The following SLIT2 variants were observed in gnomAD, a reference collection of about 807,000 sequenced individuals.
SLIT2 encodes the protein slit homolog 2 protein.
SLIT2 carries 41 observed loss-of-function variants against 185.7 expected under a neutral mutation model. The ratio of observed to expected loss-of-function variants is 0.22; its 90% CI spans 0.17 to 0.29. SLIT2 has a LOEUF of 0.29. SLIT2 is among the 10% of genes least tolerant of loss of function. The pLI is 1.00. For synonymous variants in SLIT2, 693 were observed against 680.2 expected, an observed-to-expected ratio of 1.02 and a Z score of -0.29; for missense variants, 1,571 against 1,909.0, an observed-to-expected ratio of 0.82 and a Z score of 3.30.
At chr4:20,342,251 A>G (rs1577465822) in intron 4 of SLIT2, among the ~76,000 whole-genome samples, 2 of 152,186 alleles carry the variant, frequency 1.3e-5, no homozygotes, top group Admixed American at 6.5e-5. Context: ...AGTATGGTTG[A>G]TGATGCAGAT....
At chr4:20,389,939 A>T (rs1725283994) in intron 4 of SLIT2, among the ~76,000 whole-genome samples, 1 of 151,900 alleles carries the variant, frequency 6.6e-6, no homozygotes, top group South Asian at 2.1e-4. Context: ...TCCGATAAAT[A>T]CTCTCCTTGC....
At chr4:20,373,909 G>A (rs982715722) in intron 4 of SLIT2, among the ~76,000 whole-genome samples, 7 of 152,074 alleles carry the variant, frequency 4.6e-5, no homozygotes, top group Admixed American at 1.3e-4. Context: ...GATTTTCAGT[G>A]AGAGGAACAA....
chr4:20,377,148 C>G (rs1036753667), intron 4 of SLIT2, among the ~76,000 whole-genome samples: 3 of 151,946 alleles, frequency 2.0e-5, no homozygotes, highest in African/African-American at 7.2e-5. Flanking sequence ...GCAAATGGAA[C>G]ATATTAACAA....
chr4:20,271,331 T>C (rs1713581895), intron 4 of SLIT2, among the ~76,000 whole-genome samples: 1 of 149,340 alleles, frequency 6.7e-6, no homozygotes, highest in Non-Finnish European at 1.5e-5. Context: ...TTTATAAATA[T>C]GTGTAAAACA....
chr4:20,308,686 A>G (rs1344070243), intron 4 of SLIT2, among the ~76,000 whole-genome samples: 1 of 152,178 alleles, frequency 6.6e-6, no homozygotes, highest in Non-Finnish European at 1.5e-5. Context: ...TAGTAAACAG[A>G]GGCTTATATA....
chr4:20,465,977 G>C (rs200986267), intron 4 of SLIT2, among the ~76,000 whole-genome samples: 1 of 125,716 alleles, frequency 8.0e-6, no homozygotes, highest in Non-Finnish European at 1.7e-5. Flanking sequence ...TTTTTTTTTT[G>C]TCTTTGAAGT....
In SLIT2 at chr4:20,382,152, A is replaced by G. The variant is rs184877580; in HGVS notation, c.396-85600A>G. 5.6e-4 allele frequency among the ~76,000 whole-genome samples: 85 copies of G among 152,268 alleles called. 2 individuals carry two copies. The East Asian group carries it at 0.015, about 27-fold the overall frequency. On this transcript the variant is annotated intron_variant, in intron 4 of 36. Transcript: ENST00000504154. Reference sequence around the variant, plus strand: ...TCAAAAGGAAAAAGGATTTGACTAAATTTAGGACCCATCCATGATCAAAGT... The same window carrying G: ...TCAAAAGGAAAAAGGATTTGACTAAGTTTAGGACCCATCCATGATCAAAGT...
intron 4 of SLIT2, among the ~76,000 whole-genome samples, chr4:20,300,064 T>G (rs1407616059): frequency 6.6e-6 from 1 of 152,088 alleles, no homozygotes; most frequent in African/African-American, 2.4e-5. Flanking sequence ...TAAAAATTCT[T>G]TAGTATAATA....
chr4:20,401,463 T>C (rs1473738266), intron 4 of SLIT2, among the ~76,000 whole-genome samples: 1 of 151,770 alleles, frequency 6.6e-6, no homozygotes. Context: ...TTGCATCATG[T>C]CTCTCTGTGA....
chr4:20,573,178 G>A lies in SLIT2; in HGVS notation c.3088+4174G>A, dbSNP rs149112753. 371 of 702,808 alleles carry A rather than the reference G, an allele frequency of 5.3e-4. 3 individuals carry two copies. The East Asian group carries it at 9.5e-3, about 18-fold the overall frequency. 43.5% of individuals were successfully genotyped at this position (702,808 alleles called of 1,614,324 possible). A position where few individuals can be genotyped will look rare whatever the true frequency, so the allele number is the denominator to read the frequency against. On this transcript the variant is annotated intron_variant, in intron 29 of 36. Transcript: ENST00000504154. ...GCTGCGCATTGGCTTCCTGTGCTCT[G>A]CTGTTGTATTGCAATGTAAAAAGTC...
chr4:20,293,695 AT>A (rs1437087509), intron 4 of SLIT2, among the ~76,000 whole-genome samples: 1 of 152,132 alleles, frequency 6.6e-6, no homozygotes, highest in Non-Finnish European at 1.5e-5. Context: ...TGTGGCCTTT[AT>A]TTTTCTTGTG....
intron 4 of SLIT2, among the ~76,000 whole-genome samples, chr4:20,448,021 G>A (rs1279644086): frequency 6.6e-6 from 1 of 152,190 alleles, no homozygotes; most frequent in Non-Finnish European, 1.5e-5. Context: ...ATACTTCATA[G>A]GCTAGGATTT....
chr4:20,518,964 A>C (rs959793141), intron 11 of SLIT2, among the ~76,000 whole-genome samples: 1 of 152,030 alleles, frequency 6.6e-6, no homozygotes, highest in Non-Finnish European at 1.5e-5. Flanking sequence ...TTTTTTACTT[A>C]ATGTTGTATC....
chr4:20,523,282 G>A (rs1720994849), intron 12 of SLIT2, among the ~76,000 whole-genome samples: 1 of 152,168 alleles, frequency 6.6e-6, no homozygotes. Flanking sequence ...TTTCTGCTCA[G>A]AGCCAATTGG....
At position 20,523,745 on chromosome 4, in the gene SLIT2, T is replaced by C. The variant is rs374347620; in HGVS notation, c.1131-15T>C. On this transcript the variant is annotated splice_polypyrimidine_tract_variant and intron_variant, in intron 12 of 36. Transcript: ENST00000504154. ...AGATGCTACACTTTAATTCTACAAC[T>C]ATTTAATCAAACAGATTATTGAATG... The C allele has an allele frequency of 1.6e-5, 25 of 1,611,856 alleles. No homozygotes were observed. In the Middle Eastern group the frequency reaches 4.9e-4, roughly 32 times the overall value.
At chr4:20,425,364 CA>C (rs1376200423) in intron 4 of SLIT2, among the ~76,000 whole-genome samples, 1 of 151,860 alleles carries the variant, frequency 6.6e-6, no homozygotes, top group Non-Finnish European at 1.5e-5. Flanking sequence ...GAGACACTAT[CA>C]AAAAAATAAA....
chr4:20,350,621 A>T (rs1330435577), intron 4 of SLIT2, among the ~76,000 whole-genome samples: 2 of 152,198 alleles, frequency 1.3e-5, no homozygotes, highest in Non-Finnish European at 2.9e-5. Flanking sequence ...GTAAATATTT[A>T]ATTTTTGAAA....
intron 4 of SLIT2, among the ~76,000 whole-genome samples, chr4:20,428,234 C>T (rs1005698760): frequency 1.2e-4 from 18 of 152,292 alleles, no homozygotes; most frequent in Admixed American, 1.1e-3. Context: ...GCAGAGCACA[C>T]ACACATGTAC....
At chr4:20,408,658 A>G (rs1200909407) in intron 4 of SLIT2, among the ~76,000 whole-genome samples, 3 of 152,098 alleles carry the variant, frequency 2.0e-5, no homozygotes, top group African/African-American at 4.8e-5. Context: ...GGCCATTTCT[A>G]TCTCACTCAT....
Sources: allele counts gnomAD v4.1 joint callset (sites outside exome capture counted in the v4.1 genomes callset), GRCh38; gene constraint gnomAD v4.1.1; transcripts MANE v1.5; gene names NCBI Gene and HGNC (gene_info 2026-07-23, HGNC 2026-07-21).